The following FER1L5 variants were observed in gnomAD, a reference collection of about 807,000 sequenced individuals.
FER1L5 encodes the protein fer-1-like protein 5.
FER1L5 carries 187 observed loss-of-function variants against 279.9 expected under a neutral mutation model. The ratio of observed to expected loss-of-function variants is 0.67; its 90% CI spans 0.59 to 0.75. The LOEUF (loss-of-function observed/expected upper bound fraction) is 0.75. Among genes scored for constraint, FER1L5 ranks in the 30% least tolerant of loss-of-function variants. The pLI, the probability that FER1L5 is intolerant of heterozygous loss-of-function variation, is 0.00. For synonymous variants in FER1L5, 921 were observed against 989.7 expected, an observed-to-expected ratio of 0.93 and a Z score of 1.30; for missense variants, 2,091 against 2,594.4, an observed-to-expected ratio of 0.81 and a Z score of 4.21.
chr2:96,680,469 C>T (rs2076677941), intron 19 of FER1L5, among the ~76,000 whole-genome samples: 1 of 151,944 alleles, frequency 6.6e-6, no homozygotes, highest in Admixed American at 6.6e-5. Context: ...TAAATCTCTT[C>T]CATATTTTTC....
In FER1L5 at chr2:96,647,768, G is replaced by T. The variant is rs892366017; in HGVS notation, c.231-10G>T. Reference sequence around the variant, plus strand: ...GCTCAGGATCTCACATCTGCTCCTTGTCTCCCCAGATTCATTGGCCTGGCC... The same window carrying T: ...GCTCAGGATCTCACATCTGCTCCTTTTCTCCCCAGATTCATTGGCCTGGCC... On this transcript the variant is annotated splice_polypyrimidine_tract_variant and intron_variant, in intron 3 of 52. Coordinates refer to ENST00000624922, the MANE Select transcript of FER1L5 (RefSeq NM_001293083.2). 4 of 1,545,784 alleles carry T rather than the reference G, an allele frequency of 2.6e-6. No homozygotes were observed. The African/African-American group carries it at 4.1e-5, about 16-fold the overall frequency.
chr2:96,646,021 CAG>C (rs1409805595), intron 1 of FER1L5, among the ~76,000 whole-genome samples: 2 of 109,608 alleles, frequency 1.8e-5, no homozygotes, highest in African/African-American at 7.0e-5. Context: ...TTTTTTGTGA[CAG>C]AGTCTTGCTC....
In FER1L5 at chr2:96,668,812, G is replaced by T; in HGVS notation, c.1184+18G>T. 1 of 1,551,678 alleles carries T rather than the reference G, an allele frequency of 6.4e-7. No individual in the cohort carries two copies. The highest frequency in any genetic ancestry group is 8.7e-7 in the Non-Finnish European group (1 of 1,147,000). On this transcript the variant is annotated intron_variant, in intron 15 of 52. Coordinates refer to ENST00000624922, the MANE Select transcript of FER1L5 (RefSeq NM_001293083.2). ...TTGGACTGGTGAGCAACCTGGTGGA[G>T]GCTGAAGCACACAGGGAAGGAAGAA...
intron 9 of FER1L5, among the ~76,000 whole-genome samples, chr2:96,660,029 T>C (rs2075898559): frequency 6.6e-6 from 1 of 152,200 alleles, no homozygotes; most frequent in South Asian, 2.1e-4. Flanking sequence ...AGCCCTTCCC[T>C]GACCCAGGAG....
chr2:96,662,325 G>T, intron 13 of FER1L5, 58 bp downstream of exon 13: 1 of 1,515,074 alleles, frequency 6.6e-7, no homozygotes, highest in Non-Finnish European at 9.0e-7. Flanking sequence ...AAGTAGTTTG[G>T]AGAGGAGGGT....
chr2:96,672,956 G>A, intron 18 of FER1L5, 121 bp from the exon 19 acceptor site: 1 of 1,291,266 alleles, frequency 7.7e-7, no homozygotes, highest in African/African-American at 1.5e-5. Context: ...GAAGGCCTTT[G>A]AGAGGGAGAG....
At position 96,694,258 on chromosome 2, in the gene FER1L5, T is replaced by C; in HGVS notation, c.3637-102T>C. Reference sequence around the variant, plus strand: ...AAGTCCCCCTGCCAGCCCCTACCCATGGGGCTCTGGGCTCGGTGAGGCCTC... The same window carrying C: ...AAGTCCCCCTGCCAGCCCCTACCCACGGGGCTCTGGGCTCGGTGAGGCCTC... On this transcript the variant is annotated intron_variant, in intron 33 of 52. Transcript: ENST00000624922. The surrounding 1 kb of genome is among the most constrained non-coding windows in gnomAD (Gnocchi z 4.6). 1 of 1,310,898 alleles carries C rather than the reference T, an allele frequency of 7.6e-7. No individual in the cohort carries two copies. The highest frequency in any genetic ancestry group is 1.0e-6 in the Non-Finnish European group (1 of 974,640). The allele number at this position is 1,310,898 out of a possible 1,614,324, so 81.2% of individuals were successfully genotyped here. A position where few individuals can be genotyped will look rare whatever the true frequency, so the allele number is the denominator to read the frequency against.
chr2:96,652,261 G>C lies in FER1L5; in HGVS notation c.633+241G>C, dbSNP rs182287556. On this transcript the variant is annotated intron_variant, in intron 7 of 52. Transcript: ENST00000624922. Reference sequence around the variant, plus strand: ...CATGAATCCGTAAACAATTACAACAGAGCAGATCCTGGTTTACAGAGGTCT... The same window carrying C: ...CATGAATCCGTAAACAATTACAACACAGCAGATCCTGGTTTACAGAGGTCT... 7 of 541,690 alleles carry C rather than the reference G, an allele frequency of 1.3e-5. No individual in the cohort carries two copies. The East Asian group carries it at 2.3e-4, about 18-fold the overall frequency. The allele number at this position is 541,690 out of a possible 1,614,324, so 33.6% of individuals were successfully genotyped here.
rs538896903 is a variant in FER1L5 at position 96,652,195 on chromosome 2, C to A, written c.633+175C>A. 1.2e-5 allele frequency: 11 copies of A among 886,226 alleles called. No individual in the cohort carries two copies. The African/African-American group carries it at 1.7e-4, about 14-fold the overall frequency. 54.9% of individuals were successfully genotyped at this position (886,226 alleles called of 1,614,324 possible). A position where few individuals can be genotyped will look rare whatever the true frequency, so the allele number is the denominator to read the frequency against. ...AAATACAGAACAGTATAACTCAGAGCCCTGTATCTGAGGAGCTGGTGGGCT... is the reference window on the plus strand; with the variant it reads ...AAATACAGAACAGTATAACTCAGAGACCTGTATCTGAGGAGCTGGTGGGCT... On this transcript the variant is annotated intron_variant, in intron 7 of 52. Coordinates refer to ENST00000624922, the MANE Select transcript of FER1L5 (RefSeq NM_001293083.2).
In FER1L5 at chr2:96,662,069, G is replaced by C. The variant is rs965880801; in HGVS notation, c.1019-146G>C. On this transcript the variant is annotated intron_variant, in intron 12 of 52. Transcript: ENST00000624922. ...CCATGCCATTGTGTGGAAGAAGAAGGGGCATGGTGGGAACTGGAGACAGGT... is the reference window on the plus strand; with the variant it reads ...CCATGCCATTGTGTGGAAGAAGAAGCGGCATGGTGGGAACTGGAGACAGGT... 3 of 836,680 alleles carry C rather than the reference G, an allele frequency of 3.6e-6. No individual in the cohort carries two copies. The African/African-American group carries it at 5.1e-5, about 14-fold the overall frequency. 51.8% of individuals were successfully genotyped at this position (836,680 alleles called of 1,614,324 possible).
intron 52 of FER1L5, 51 bp downstream of exon 52, chr2:96,704,413 GGGGA>G: frequency 6.2e-7 from 1 of 1,612,972 alleles, no homozygotes; most frequent in Non-Finnish European, 8.5e-7. Flanking sequence ...GGATGACTCT[GGGGA>G]CAGCGTCTTC....
At chr2:96,674,668 T>A (rs2076448056) in intron 19 of FER1L5, among the ~76,000 whole-genome samples, 1 of 152,010 alleles carries the variant, frequency 6.6e-6, no homozygotes. Context: ...GCATATGAAA[T>A]GTGTATGTAT....
chr2:96,696,173 C>T, intron 37 of FER1L5, 96 bp downstream of exon 37: 28 of 1,527,450 alleles, frequency 1.8e-5, no homozygotes, highest in East Asian at 2.4e-5. Context: ...TCTGGATACC[C>T]GTGCCCAACT....
At chr2:96,659,505 C>A (rs1204822095) in intron 9 of FER1L5, among the ~76,000 whole-genome samples, 5 of 50,998 alleles carry the variant, frequency 9.8e-5, no homozygotes, top group African/African-American at 6.7e-4. Context: ...TTCTTTCTTT[C>A]TTTCGAGACA....
chr2:96,686,072 C>T lies in FER1L5; in HGVS notation c.2028C>T (p.Ala676=), dbSNP rs1241035796. 2.6e-6 allele frequency: 4 copies of T among 1,551,456 alleles called. No homozygotes were observed. In the African/African-American group the frequency reaches 5.5e-5, roughly 21 times the overall value. ...AKQAKPKDMV[A]TAEDWLYRLN... is the part of the protein sequence containing the mutation. The stretch of plus-strand genomic sequence containing the variant: ...AAGCCAAGCCCAAGGACATGGTGGC[C>T]ACAGCGGAGGACTGGCTGTACCGCC... Residue 676 remains alanine, a synonymous_variant, in exon 22 of 53, where the codon GCC becomes GCT. Coordinates refer to ENST00000624922, the MANE Select transcript of FER1L5 (RefSeq NM_001293083.2).
Position 96,650,183 on chromosome 2 carries a change from C to A in FER1L5, c.398C>A (p.Ala133Asp). Reference protein sequence around the residue: ...MSNQDIEKTGAEDHLGITARE... With the variant: ...MSNQDIEKTGDEDHLGITARE... ...ACCCTGCACTGTGTCTCCCCAGGAG[C>A]TGAAGACCACCTGGGCATAACGGCA... is the stretch of plus-strand genomic sequence containing the variant. The change falls in exon 6 of 53, where the codon GCT becomes GAT. Residue 133 changes from alanine to aspartate, a missense_variant. Transcript: ENST00000624922. The A allele has an allele frequency of 1.9e-6, 3 of 1,551,418 alleles. No individual in the cohort carries two copies. The highest frequency in any genetic ancestry group is 2.6e-6 in the Non-Finnish European group (3 of 1,146,720).
Position 96,703,580 on chromosome 2 carries a change from G to T in FER1L5, c.5749G>T (p.Ala1917Ser). 2 of 1,613,978 alleles carry T rather than the reference G, an allele frequency of 1.2e-6. No individual in the cohort carries two copies. The highest frequency in any genetic ancestry group is 8.5e-7 in the Non-Finnish European group (1 of 1,179,880). The change falls in exon 51 of 53, where the codon GCC (alanine) becomes TCC (serine). Residue 1917 changes from alanine (A) to serine (S), a missense_variant. Ala to Ser is a moderately conservative substitution (Grantham distance 99, BLOSUM62 1). Coordinates refer to ENST00000624922, the MANE Select transcript of FER1L5 (RefSeq NM_001293083.2). ...AGAGAAGGAAGCCTTAATCAAGCCA[G>T]CCGGGCGAGGCCAGTCGGAACCCAA... ...LSEKEALIKP[A>S]GRGQSEPNQY... is the part of the protein sequence containing the mutation.
In FER1L5 at chr2:96,702,305, G is replaced by C. The variant is rs781260565; in HGVS notation, c.5160-1G>C. 6.2e-7 allele frequency: 1 copy of C among 1,610,506 alleles called. No individual in the cohort carries two copies. Among genetic ancestry groups the C allele is most frequent in the African/African-American group, 1.3e-5 (1 of 74,894 alleles). On this transcript the variant is annotated splice_acceptor_variant, in intron 46 of 52. Transcript: ENST00000624922. LOFTEE classifies it high-confidence loss of function. This position sits in a 1 kb window ranked among gnomAD's most constrained non-coding sequence, Gnocchi z 4.0. ...AAAGCCTCAGAGCACAGTGGCCACA[G>C]GTATGAGCTGCGATGCATCATCTGG...
rs573533230 is a variant in FER1L5, at chr2:96,649,038, T to TG, written c.340-578dup. ...GGTGTACTGCACTTTTGTCACACGG[T>TG]GGGGGGGTGGGGTGGAGGTGGGAGA... On this transcript the variant is annotated intron_variant, in intron 4 of 52. Coordinates refer to ENST00000624922, the MANE Select transcript of FER1L5 (RefSeq NM_001293083.2). Among the ~76,000 whole-genome samples the TG allele has an allele frequency of 1.6e-3, 105 of 64,370 alleles. 1 individual carries two copies. The East Asian group carries it at 0.034, about 21-fold the overall frequency. The allele number at this position is 64,370 out of a possible 152,430, so 42.2% of individuals were successfully genotyped here.
Sources: allele counts gnomAD v4.1 joint callset (sites outside exome capture counted in the v4.1 genomes callset), GRCh38; gene constraint gnomAD v4.1.1; non-coding constraint Gnocchi (gnomAD v3.1); transcripts MANE v1.5; gene names NCBI Gene and HGNC (gene_info 2026-07-23, HGNC 2026-07-21).